SEMA3D: variants seen among roughly 807,000 people sequenced by gnomAD.
SEMA3D encodes semaphorin 3D.
SEMA3D carries 84 observed loss-of-function variants against 100.1 expected under a neutral mutation model. That is an observed-to-expected ratio of 0.84 (90% CI 0.70 to 1.01). SEMA3D has a LOEUF of 1.01. SEMA3D is among the 50% of genes least tolerant of loss of function. The probability of loss-of-function intolerance (pLI) is 0.00; values close to 1 mark genes in which losing one functional copy is unlikely to be tolerated. For synonymous variants in SEMA3D, 312 were observed against 320.7 expected, an observed-to-expected ratio of 0.97 and a Z score of 0.29; for missense variants, 875 against 934.1, an observed-to-expected ratio of 0.94 and a Z score of 0.82.
At chr7:85,155,519 G>A (rs1354302071) in intron 1 of SEMA3D, among the ~76,000 whole-genome samples, 1 of 151,996 alleles carries the variant, frequency 6.6e-6, no homozygotes. Context: ...TTTCCAACAG[G>A]GGTGTAACAT....
chr7:85,209,475 A>G, the SEMA3D span, among the ~76,000 whole-genome samples: 10 of 152,134 alleles, frequency 6.6e-5, no homozygotes, highest in East Asian at 1.2e-3. Flanking sequence ...GAAGAAGGAC[A>G]GTGGGGACAG....
intron 2 of SEMA3D, among the ~76,000 whole-genome samples, chr7:85,135,273 T>C (rs1789825708): frequency 6.6e-6 from 1 of 152,174 alleles, no homozygotes; most frequent in African/African-American, 2.4e-5. Context: ...ATTATTTCTT[T>C]CTTTTTGATA....
chr7:85,150,517 G>GAT (rs1348038226), intron 2 of SEMA3D, among the ~76,000 whole-genome samples: 6 of 143,080 alleles, frequency 4.2e-5, no homozygotes, highest in Non-Finnish European at 7.6e-5. Flanking sequence ...TATTTACAGG[G>GAT]ATATATATAT....
At position 85,066,892 on chromosome 7, in the gene SEMA3D, T is replaced by TCACACACACACACACACACA. The variant is rs542898682; in HGVS notation, c.589+1279_589+1298dup. On this transcript the variant is annotated intron_variant, in intron 7 of 18. Transcript: ENST00000284136. ...GCTAACTTCTAAAGGAAATGTGCGC[T>TCACACACACACACACACACA]CACACACACACACACACACACAGAG... is the stretch of plus-strand genomic sequence containing the variant. Among the ~76,000 whole-genome samples the TCACACACACACACACACACA allele has an allele frequency of 7.4e-3, 788 of 106,544 alleles. 8 individuals carry two copies. The highest frequency in any genetic ancestry group is 0.029 in the African/African-American group (732 of 25,146). The allele number at this position is 106,544 out of a possible 152,430, so 69.9% of individuals were successfully genotyped here.
At chr7:85,088,481 C>G (rs1416076270) in intron 4 of SEMA3D, among the ~76,000 whole-genome samples, 1 of 152,064 alleles carries the variant, frequency 6.6e-6, no homozygotes, top group Non-Finnish European at 1.5e-5. Context: ...GAGATAGTGG[C>G]CATCTCTTTC....
chr7:85,177,658 C>A (rs1164217820), intron 1 of SEMA3D, among the ~76,000 whole-genome samples: 4 of 152,074 alleles, frequency 2.6e-5, no homozygotes, highest in Non-Finnish European at 5.9e-5. Flanking sequence ...CCTATAATTA[C>A]AATCATAATT....
the SEMA3D span, among the ~76,000 whole-genome samples, chr7:85,194,946 T>C: frequency 6.6e-6 from 1 of 152,156 alleles, no homozygotes; most frequent in African/African-American, 2.4e-5. Flanking sequence ...TTACCTGACT[T>C]ACTTTTTTAA....
At chr7:85,029,733 T>C (rs1490042862) in intron 12 of SEMA3D, 1 of 259,930 alleles carries the variant, frequency 3.8e-6, no homozygotes, top group Non-Finnish European at 7.7e-6. Context: ...TTCTACATAG[T>C]TAAAACACCG....
chr7:85,209,163 G>A, the SEMA3D span, among the ~76,000 whole-genome samples: 1 of 151,894 alleles, frequency 6.6e-6, no homozygotes, highest in Non-Finnish European at 1.5e-5. Flanking sequence ...CTACTGATAT[G>A]ATTTATGGTA....
upstream of SEMA3D, among the ~76,000 whole-genome samples, chr7:85,190,392 C>A (rs769529898): frequency 6.6e-6 from 1 of 152,122 alleles, no homozygotes; most frequent in Non-Finnish European, 1.5e-5. Context: ...ACCTTATCAG[C>A]ACTGACTGAT....
chr7:85,056,809 G>A (rs1232856237), intron 8 of SEMA3D, among the ~76,000 whole-genome samples: 1 of 148,936 alleles, frequency 6.7e-6, no homozygotes, highest in Non-Finnish European at 1.5e-5. Flanking sequence ...AAAATAAATA[G>A]CACTTGGAAA....
At chr7:85,194,370 AGTTT>A in the SEMA3D span, among the ~76,000 whole-genome samples, 3 of 152,166 alleles carry the variant, frequency 2.0e-5, no homozygotes, top group Admixed American at 6.5e-5. Context: ...AAGTTGAGGA[AGTTT>A]GCTCTATTCT....
At chr7:85,050,751 CTAAAGA>C (rs1182541021) in intron 9 of SEMA3D, 1 of 519,196 alleles carries the variant, frequency 1.9e-6, no homozygotes, top group Non-Finnish European at 3.4e-6. Flanking sequence ...ACAAATTCTC[CTAAAGA>C]TAAAGAAAAA....
At chr7:85,098,785 T>C (rs560292661) in intron 3 of SEMA3D, among the ~76,000 whole-genome samples, 3 of 152,070 alleles carry the variant, frequency 2.0e-5, no homozygotes, top group African/African-American at 7.2e-5. Flanking sequence ...TAGTATCATA[T>C]AGACTACTTC....
At chr7:85,140,850 T>A (rs1435060664) in intron 2 of SEMA3D, 3 of 834,864 alleles carry the variant, frequency 3.6e-6, no homozygotes, top group African/African-American at 1.8e-5. Context: ...ATTCTACCAT[T>A]AAAAAAATGG....
At chr7:85,092,003 A>G (rs1458757890) in intron 4 of SEMA3D, among the ~76,000 whole-genome samples, 1 of 152,078 alleles carries the variant, frequency 6.6e-6, no homozygotes, top group East Asian at 1.9e-4. Flanking sequence ...AAATCTGCAT[A>G]CAGAATAGAC....
chr7:85,042,313 A>G, intron 9 of SEMA3D, 28 bp from the exon 10 acceptor site: 3 of 1,480,898 alleles, frequency 2.0e-6, no homozygotes, highest in Non-Finnish European at 2.8e-6. Flanking sequence ...ATAAAGATAA[A>G]TATTTATCAA....
chr7:85,199,259 T>G, the SEMA3D span, among the ~76,000 whole-genome samples: 1 of 152,152 alleles, frequency 6.6e-6, no homozygotes, highest in Non-Finnish European at 1.5e-5. Context: ...GGCATTTTTC[T>G]GTTACCATGT....
chr7:85,225,555 G>A, the SEMA3D span, among the ~76,000 whole-genome samples: 1 of 152,182 alleles, frequency 6.6e-6, no homozygotes, highest in East Asian at 1.9e-4. Context: ...TAACCAGATT[G>A]AAAGGTTAAA....
Sources: gnomAD v4.1 joint callset for allele counts (sites outside exome capture counted in the v4.1 genomes callset) on GRCh38, gnomAD v4.1.1 for gene constraint, MANE v1.5 for transcripts, NCBI Gene and HGNC (gene_info 2026-07-23, HGNC 2026-07-21) for gene names.